NTRK3: variants seen among roughly 807,000 people sequenced by gnomAD.
NTRK3 encodes neurotrophic receptor tyrosine kinase 3.
In NTRK3, 24 loss-of-function variants were observed where a neutral mutation model predicts 91.7. The observed-to-expected ratio is 0.26, with a 90% CI of 0.19 to 0.37. The LOEUF (loss-of-function observed/expected upper bound fraction) is 0.37, where lower values mean the gene tolerates loss of function less well. Among genes scored for constraint, NTRK3 ranks in the 10% least tolerant of loss-of-function variants. The pLI, the probability that NTRK3 is intolerant of heterozygous loss-of-function variation, is 1.00. For synonymous variants in NTRK3, 483 were observed against 404.0 expected, an observed-to-expected ratio of 1.20 and a Z score of -2.34; for missense variants, 880 against 1,068.9, an observed-to-expected ratio of 0.82 and a Z score of 2.46.
chr15:88,111,138 G>A (rs1275141795), intron 13 of NTRK3, among the ~76,000 whole-genome samples: 8 of 152,178 alleles, frequency 5.3e-5, no homozygotes, highest in Admixed American at 5.2e-4. Context: ...GTTCACCCCG[G>A]GCATGGTTTG....
intron 3 of NTRK3, among the ~76,000 whole-genome samples, chr15:88,223,529 C>T (rs1237447454): frequency 6.6e-6 from 1 of 152,214 alleles, no homozygotes; most frequent in African/African-American, 2.4e-5. Context: ...TGGGTATGCC[C>T]AGGGGCCAGA....
chr15:87,871,944 C>T (rs2141412639), exon 19 of NTRK3: 1 of 222,152 alleles, frequency 4.5e-6, no homozygotes, highest in East Asian at 6.6e-5. Context: ...TCCTTCAAAA[C>T]CTTAAATATT....
chr15:87,927,122 C>T (rs1160028517), intron 17 of NTRK3: 1 of 152,232 alleles, frequency 6.6e-6, no homozygotes, highest in Admixed American at 6.5e-5. Context: ...ACTACTGCCA[C>T]ATCATGTCTC....
chr15:88,211,860 C>A (rs1430914341), intron 3 of NTRK3, among the ~76,000 whole-genome samples: 1 of 152,222 alleles, frequency 6.6e-6, no homozygotes, highest in Non-Finnish European at 1.5e-5. Context: ...TATATTTCTA[C>A]AAGAGACAGA....
intron 13 of NTRK3, among the ~76,000 whole-genome samples, chr15:88,108,101 A>G (rs1219460770): frequency 6.6e-6 from 1 of 152,156 alleles, no homozygotes; most frequent in Admixed American, 6.5e-5. Context: ...TCCAATCTGA[A>G]AGTAACAGCA....
intron 10 of NTRK3, 104 bp downstream of exon 10, chr15:88,134,994 TAAC>T (rs768988774): frequency 3.0e-6 from 4 of 1,327,988 alleles, no homozygotes; most frequent in Non-Finnish European, 4.3e-6. Context: ...TTGCCCATGA[TAAC>T]AGTATGAGTA....
intron 3 of NTRK3, among the ~76,000 whole-genome samples, chr15:88,186,333 C>T (rs942519535): frequency 6.6e-6 from 1 of 152,220 alleles, no homozygotes; most frequent in African/African-American, 2.4e-5. Flanking sequence ...GTTCTCAAGC[C>T]TTACCCTTCT....
rs2141465842 is a variant in NTRK3, at chr15:87,880,269, C to G, written c.2292+1G>C. The G allele has an allele frequency of 6.2e-7, 1 of 1,614,042 alleles. No homozygotes were observed. Among genetic ancestry groups the G allele is most frequent in the Non-Finnish European group, 8.5e-7 (1 of 1,180,014 alleles). On this transcript the variant is annotated splice_donor_variant, in intron 18 of 18. Coordinates refer to ENST00000394480, the Ensembl canonical transcript of NTRK3. LOFTEE classifies it high-confidence loss of function. ...AAGATTCCTACGCACCCCCTTTTTA[C>G]CTCCGTGTTTGAGAGTTGGAACCAT...
intron 3 of NTRK3, among the ~76,000 whole-genome samples, chr15:88,214,510 C>A (rs1055665985): frequency 6.6e-6 from 1 of 152,078 alleles, no homozygotes; most frequent in African/African-American, 2.4e-5. Context: ...CTGCAAAGAC[C>A]CTATTTCCAA....
intron 14 of NTRK3, among the ~76,000 whole-genome samples, chr15:87,986,944 G>C (rs2074859085): frequency 6.6e-6 from 1 of 152,238 alleles, no homozygotes; most frequent in African/African-American, 2.4e-5. Flanking sequence ...AATTTCATTT[G>C]TAAAAATAGG....
chr15:87,893,822 C>T (rs1055428281), intron 17 of NTRK3, among the ~76,000 whole-genome samples: 13 of 152,242 alleles, frequency 8.5e-5, no homozygotes, highest in African/African-American at 2.4e-4. Context: ...GATGAGCAAG[C>T]GTGGATTCAC....
chr15:87,951,611 A>T (rs192428320), intron 14 of NTRK3, among the ~76,000 whole-genome samples: 19 of 152,204 alleles, frequency 1.2e-4, no homozygotes, highest in African/African-American at 4.6e-4. Flanking sequence ...TGCACAAAGG[A>T]CCCTAGGAAA....
chr15:88,173,020 A>C (rs1293319243), intron 5 of NTRK3, among the ~76,000 whole-genome samples: 1 of 152,204 alleles, frequency 6.6e-6, no homozygotes, highest in Non-Finnish European at 1.5e-5. Flanking sequence ...ATATCCATTG[A>C]AAATCTGAAG....
At chr15:87,939,394 G>A (rs981472596) in intron 15 of NTRK3, among the ~76,000 whole-genome samples, 2 of 152,192 alleles carry the variant, frequency 1.3e-5, no homozygotes, top group African/African-American at 4.8e-5. Context: ...GAGGCCCAAA[G>A]AAGTTGAGTG....
chr15:87,867,847 G>A (rs566126371), exon 19 of NTRK3: 114 of 226,412 alleles, frequency 5.0e-4, no homozygotes, highest in Non-Finnish European at 9.2e-4. Flanking sequence ...ATTTCCCCCA[G>A]AAAATTAATT....
In NTRK3 at chr15:87,953,890, C is replaced by G. The variant is rs113352543; in HGVS notation, c.1586-13137G>C. Among the ~76,000 whole-genome samples, 450 of 152,230 alleles carry G rather than the reference C, an allele frequency of 3.0e-3. 5 individuals carry two copies. Among genetic ancestry groups the G allele is most frequent in the African/African-American group, 0.01 (416 of 41,542 alleles). The stretch of plus-strand genomic sequence containing the variant: ...CCACTTTCTCTGCTTTCCCTGGGAA[C>G]GAGTTCTTTCTAGCCCCCTTGCCCA... On this transcript the variant is annotated intron_variant, in intron 14 of 18. Coordinates refer to ENST00000394480, the Ensembl canonical transcript of NTRK3.
At chr15:88,118,322 G>A (rs1035361026) in intron 13 of NTRK3, among the ~76,000 whole-genome samples, 2 of 152,180 alleles carry the variant, frequency 1.3e-5, no homozygotes, top group Non-Finnish European at 1.5e-5. Context: ...GCAAGTGAAA[G>A]CTTCCAAGAC....
At chr15:88,172,871 C>A (rs959528716) in intron 5 of NTRK3, among the ~76,000 whole-genome samples, 1 of 152,126 alleles carries the variant, frequency 6.6e-6, no homozygotes, top group African/African-American at 2.4e-5. Context: ...GGGAAGTTTG[C>A]CACCTGCCTC....
chr15:88,064,941 A>G (rs2046519496), intron 13 of NTRK3, among the ~76,000 whole-genome samples: 1 of 152,234 alleles, frequency 6.6e-6, no homozygotes, highest in South Asian at 2.1e-4. Flanking sequence ...TTCTAAGCAC[A>G]GAGATCTCAT....
Sources: allele counts gnomAD v4.1 joint callset (sites outside exome capture counted in the v4.1 genomes callset), GRCh38; gene constraint gnomAD v4.1.1; transcripts MANE v1.5; gene names NCBI Gene and HGNC (gene_info 2026-07-23, HGNC 2026-07-21).